The following EDNRA variants were observed in gnomAD, a reference collection of about 807,000 sequenced individuals.
EDNRA encodes endothelin receptor type A, also known as endothelin-1 receptor.
In EDNRA, 11 loss-of-function variants were observed where a neutral mutation model predicts 41.4. The ratio of observed to expected loss-of-function variants is 0.27; its 90% CI spans 0.17 to 0.44. The LOEUF (loss-of-function observed/expected upper bound fraction) is 0.44. EDNRA is among the 20% of genes least tolerant of loss of function. The pLI is 1.00. For synonymous variants in EDNRA, 172 were observed against 183.0 expected (o/e 0.94, Z 0.49); for missense variants, 294 against 531.0 (o/e 0.55, Z 4.39).
chr4:147,490,306 T>TG (rs1307315262), intron 2 of EDNRA: 1 of 152,142 alleles, frequency 6.6e-6, no homozygotes, highest in Non-Finnish European at 1.5e-5. Flanking sequence ...GCCTTGCAAA[T>TG]GCTAATGTTG....
chr4:147,514,040 C>T (rs1362101576), intron 2 of EDNRA, among the ~76,000 whole-genome samples: 3 of 152,156 alleles, frequency 2.0e-5, no homozygotes, highest in Non-Finnish European at 4.4e-5. Context: ...TTTCAGTTTA[C>T]GATTACAAAT....
intron 2 of EDNRA, among the ~76,000 whole-genome samples, chr4:147,508,262 C>G (rs1330082476): frequency 6.6e-6 from 1 of 152,140 alleles, no homozygotes; most frequent in Non-Finnish European, 1.5e-5. Context: ...CCTCAGCTTC[C>G]AGAGTAGCTG....
In EDNRA at chr4:147,519,955, C is replaced by T. The variant is rs1231329907; in HGVS notation, c.525C>T (p.Asn175=). ...QKSSVGITVL[N]LCALSVDRYR... ...CCTCGGTGGGGATCACCGTCCTCAA[C>T]CTCTGCGCTCTTAGTGTTGACAGGT... The change falls in exon 3 of 8, where the codon AAC becomes AAT. Residue 175 remains asparagine (N), a synonymous_variant. Transcript: ENST00000651419. The surrounding 1 kb of genome is among the most constrained non-coding windows in gnomAD (Gnocchi z 4.1). 6.2e-7 allele frequency: 1 copy of T among 1,612,406 alleles called. No individual in the cohort carries two copies. The highest frequency in any genetic ancestry group is 1.1e-5 in the South Asian group (1 of 90,908).
chr4:147,532,382 A>C (rs1489189456), intron 3 of EDNRA, 124 bp from the exon 4 acceptor site: 1 of 801,026 alleles, frequency 1.2e-6, no homozygotes, highest in African/African-American at 1.7e-5. Flanking sequence ...GACTCAGAAA[A>C]TTCCTAAAAA....
intron 2 of EDNRA, among the ~76,000 whole-genome samples, chr4:147,497,714 G>C (rs552749657): frequency 1.3e-5 from 2 of 152,184 alleles, no homozygotes; most frequent in East Asian, 1.9e-4. Flanking sequence ...TGGGACTACA[G>C]GTGCCCGCCA....
intron 2 of EDNRA, among the ~76,000 whole-genome samples, chr4:147,504,804 A>G (rs1374527511): frequency 2.6e-5 from 4 of 151,772 alleles, no homozygotes; most frequent in African/African-American, 9.7e-5. Context: ...AAAAAAATAC[A>G]AAAGTTAGCC....
chr4:147,542,108 TACCTGGTGCGGAGAGCC>T (rs903262353), intron 7 of EDNRA, among the ~76,000 whole-genome samples: 1 of 152,154 alleles, frequency 6.6e-6, no homozygotes, highest in Non-Finnish European at 1.5e-5. Context: ...TCTGATAAGG[TACCTGGTGCGGAGAGCC>T]ACACAGGTGG....
At chr4:147,482,929 T>A (rs1728821809) in intron 1 of EDNRA, among the ~76,000 whole-genome samples, 1 of 152,242 alleles carries the variant, frequency 6.6e-6, no homozygotes, top group Non-Finnish European at 1.5e-5. Context: ...ATTCCATTTC[T>A]GCAAAGGCCT....
rs201753275 is a variant in EDNRA, at chr4:147,542,464, G to T, written c.1144-14G>T. The T allele has an allele frequency of 6.2e-7, 1 of 1,613,994 alleles. No individual in the cohort carries two copies. Among genetic ancestry groups the T allele is most frequent in the Non-Finnish European group, 8.5e-7 (1 of 1,179,944 alleles). On this transcript the variant is annotated splice_polypyrimidine_tract_variant and intron_variant, in intron 7 of 7. Transcript: ENST00000651419. ...GGTAGGCTCGCCTTACTTCGAGTCT[G>T]TTCCTTCCCCCAGTCATGCCTCTGC...
intron 2 of EDNRA, chr4:147,489,830 G>A (rs1369785627): frequency 6.6e-6 from 1 of 152,080 alleles, no homozygotes; most frequent in Non-Finnish European, 1.5e-5. Context: ...GCACCCAGGA[G>A]CTCCCACCTG....
At chr4:147,541,081 A>G (rs1359299132) in intron 7 of EDNRA, among the ~76,000 whole-genome samples, 1 of 146,574 alleles carries the variant, frequency 6.8e-6, no homozygotes, top group African/African-American at 2.5e-5. Flanking sequence ...AAAAAAAAAA[A>G]AAAAAAAAAA....
At chr4:147,534,511 T>C (rs1730855044) in intron 4 of EDNRA, among the ~76,000 whole-genome samples, 2 of 152,230 alleles carry the variant, frequency 1.3e-5, no homozygotes, top group Admixed American at 6.5e-5. Flanking sequence ...CCTTCTATTA[T>C]GAATGTACCC....
chr4:147,501,555 T>C (rs1157640993), intron 2 of EDNRA, among the ~76,000 whole-genome samples: 2 of 152,228 alleles, frequency 1.3e-5, no homozygotes, highest in African/African-American at 4.8e-5. Flanking sequence ...AAAAGATTCT[T>C]CTGTATCTTT....
At chr4:147,540,239 C>A in intron 6 of EDNRA, 138 bp from the exon 7 acceptor site, 1 of 809,518 alleles carries the variant, frequency 1.2e-6, no homozygotes, top group Non-Finnish European at 1.9e-6. Flanking sequence ...TAAACAAGCA[C>A]TTTTTACAAA....
chr4:147,512,285 C>A (rs141137221), intron 2 of EDNRA, among the ~76,000 whole-genome samples: 139 of 152,312 alleles, frequency 9.1e-4, no homozygotes, highest in Middle Eastern at 3.4e-3. Flanking sequence ...AAGCCCATAT[C>A]TTGGGTGAAT....
chr4:147,499,221 A>G (rs951530589), intron 2 of EDNRA, among the ~76,000 whole-genome samples: 1 of 151,878 alleles, frequency 6.6e-6, no homozygotes, highest in Non-Finnish European at 1.5e-5. Context: ...ATGCCCATCT[A>G]ATTTTTTGAA....
intron 2 of EDNRA, among the ~76,000 whole-genome samples, chr4:147,516,168 G>A (rs1230191712): frequency 6.6e-6 from 1 of 152,156 alleles, no homozygotes; most frequent in Non-Finnish European, 1.5e-5. Flanking sequence ...GAGAAGAGGA[G>A]AACATGATGT....
chr4:147,526,988 C>A (rs898340892), intron 3 of EDNRA, among the ~76,000 whole-genome samples: 1 of 152,168 alleles, frequency 6.6e-6, no homozygotes, highest in African/African-American at 2.4e-5. Flanking sequence ...AGCTTCCAAA[C>A]CTCCATATGG....
At chr4:147,523,472 TTGTTG>T (rs1730402864) in intron 3 of EDNRA, among the ~76,000 whole-genome samples, 2 of 143,460 alleles carry the variant, frequency 1.4e-5, no homozygotes, top group Admixed American at 6.8e-5. Context: ...TTTTTTTTTG[TTGTTG>T]TTGTTTTTTT....
Sources: allele counts gnomAD v4.1 joint callset (sites outside exome capture counted in the v4.1 genomes callset), GRCh38; gene constraint gnomAD v4.1.1; non-coding constraint Gnocchi (gnomAD v3.1); transcripts MANE v1.5; gene names NCBI Gene and HGNC (gene_info 2026-07-23, HGNC 2026-07-21).